The following SERPINA12 variants were observed in gnomAD, a reference collection of about 807,000 sequenced individuals.
SERPINA12 encodes serpin family A member 12.
Under a neutral mutation model 25.9 loss-of-function variants are expected in SERPINA12, and 21 were observed. That is an observed-to-expected ratio of 0.81 (90% confidence interval 0.58 to 1.17). SERPINA12 has a LOEUF of 1.17. Among genes scored for constraint, SERPINA12 ranks in the 50% most tolerant of loss-of-function variants. The pLI, the probability that SERPINA12 is intolerant of heterozygous loss-of-function variation, is 0.00. For synonymous variants in SERPINA12, 220 were observed against 196.0 expected (o/e 1.12, Z -1.02); for missense variants, 562 against 508.3 (o/e 1.11, Z -1.02).
chr14:94,495,659 A>T (rs141123675), intron 3 of SERPINA12, among the ~76,000 whole-genome samples: 1 of 152,126 alleles, frequency 6.6e-6, no homozygotes, highest in African/African-American at 2.4e-5. Flanking sequence ...GACATCTGAC[A>T]CCTGTCCAAG....
At chr14:94,515,004 G>A (rs895224780) in intron 2 of SERPINA12, among the ~76,000 whole-genome samples, 2 of 152,192 alleles carry the variant, frequency 1.3e-5, no homozygotes, top group African/African-American at 4.8e-5. Context: ...GGCCAGAAAA[G>A]AAGGCCAAAG....
chr14:94,497,923 T>G lies in SERPINA12; in HGVS notation c.475A>C (p.Ser159Arg). The G allele has an allele frequency of 6.2e-7, 1 of 1,614,220 alleles. No individual in the cohort carries two copies. Among genetic ancestry groups the G allele is most frequent in the Non-Finnish European group, 8.5e-7 (1 of 1,180,040 alleles). The part of the protein sequence containing the change: ...KFLEDAKNFY[S>R]AETILTNFQN... The stretch of plus-strand genomic sequence containing the variant: ...AAGTTGGTAAGGATGGTTTCGGCAC[T>G]GTAAAAGTTCTTGGCATCTTCCAAA... Residue 159 changes from serine (S) to arginine (R), a missense_variant, in exon 2 of 5, where the codon AGT (serine) becomes CGT (arginine). Coordinates refer to ENST00000677451, the MANE Select transcript of SERPINA12 (RefSeq NM_001382267.1).
In SERPINA12 at chr14:94,498,284, T is replaced by C. The variant is rs2139853653; in HGVS notation, c.114A>G (p.Gly38=). The C allele has an allele frequency of 1.9e-6, 3 of 1,614,212 alleles. No individual in the cohort carries two copies. Among genetic ancestry groups the C allele is most frequent in the Non-Finnish European group, 2.5e-6 (3 of 1,180,042 alleles). ...RNYKALSEVQ[G]WKQRMAAKEL... is the part of the protein sequence containing the mutation. ...CCTTGGCTGCCATCCTTTGCTTCCA[T>C]CCTTGGACCTCGCTCAAAGCTTTAT... Residue 38 remains glycine, a synonymous_variant, in exon 2 of 5, where the codon GGA becomes GGG. Transcript: ENST00000677451.
At chr14:94,495,903 T>A (rs1900396896) in intron 3 of SERPINA12, among the ~76,000 whole-genome samples, 1 of 152,220 alleles carries the variant, frequency 6.6e-6, no homozygotes, top group South Asian at 2.1e-4. Flanking sequence ...AAGAAAAATA[T>A]TTACTCTCTT....
chr14:94,513,677 C>G (rs143294804), upstream of SERPINA12, among the ~76,000 whole-genome samples: 535 of 152,306 alleles, frequency 3.5e-3, 3 homozygotes, highest in African/African-American at 0.012. Flanking sequence ...CAGGGGTCCC[C>G]AAGGGCTGGA....
chr14:94,492,431 C>T (rs1470788179), intron 3 of SERPINA12, among the ~76,000 whole-genome samples: 4 of 152,182 alleles, frequency 2.6e-5, no homozygotes, highest in Non-Finnish European at 5.9e-5. Flanking sequence ...TACAGGCCTG[C>T]CTGCACAGAA....
intron 1 of SERPINA12, chr14:94,501,175 G>T (rs897390978): frequency 1.0e-6 from 1 of 985,178 alleles, no homozygotes; most frequent in African/African-American, 1.7e-5. Flanking sequence ...TTAGGGGGCT[G>T]CACTGTTTAC....
At position 94,495,434 on chromosome 14, in the gene SERPINA12, A is replaced by C. The variant is rs568987252; in HGVS notation, c.905+939T>G. 6.6e-4 allele frequency among the ~76,000 whole-genome samples: 101 copies of C among 152,268 alleles called. 1 individual carries two copies. The highest frequency in any genetic ancestry group is 5.6e-4 in the Non-Finnish European group (38 of 68,008). ...AGAGATGCATTCTGGAATGCCTCCA[A>C]GACAGTGTTCTGCATGAAAAGAGTT... On this transcript the variant is annotated intron_variant, in intron 3 of 4. Coordinates refer to ENST00000677451, the MANE Select transcript of SERPINA12 (RefSeq NM_001382267.1).
upstream of SERPINA12, chr14:94,511,379 A>G (rs1901105729): frequency 1.0e-6 from 1 of 982,670 alleles, no homozygotes; most frequent in African/African-American, 1.7e-5. Context: ...CGGTTATTTA[A>G]TGGATGTGCA....
intron 1 of SERPINA12, among the ~76,000 whole-genome samples, chr14:94,502,028 G>A (rs907937078): frequency 6.7e-6 from 1 of 148,780 alleles, no homozygotes; most frequent in Non-Finnish European, 1.5e-5. Flanking sequence ...TTTGGAATGT[G>A]TGTGTGTGTG....
In SERPINA12 at chr14:94,498,383, T is replaced by C. The variant is rs1900563759; in HGVS notation, c.15A>G (p.Leu5=). 5 of 1,613,086 alleles carry C rather than the reference T, an allele frequency of 3.1e-6. No homozygotes were observed. The East Asian group carries it at 1.1e-4, about 36-fold the overall frequency. The change falls in exon 2 of 5, where the codon CTA becomes CTG. Residue 5 remains leucine (L), a synonymous_variant. Coordinates refer to ENST00000677451, the MANE Select transcript of SERPINA12 (RefSeq NM_001382267.1). Reference sequence around the variant, plus strand: ...GAACAGCCAGAAAAATGGCCAGGCCTAGTGTGGGGTTCATTTTCCTTGAAG... The same window carrying C: ...GAACAGCCAGAAAAATGGCCAGGCCCAGTGTGGGGTTCATTTTCCTTGAAG... MNPT[L]GLAIFLAVLL... is the part of the protein sequence containing the mutation.
rs1445117727 is a variant in SERPINA12, at chr14:94,489,622, C to T, written c.1051G>A (p.Glu351Lys). 14 of 1,613,748 alleles carry T rather than the reference C, an allele frequency of 8.7e-6. No individual in the cohort carries two copies. Among genetic ancestry groups the T allele is most frequent in the African/African-American group, 1.3e-5 (1 of 74,922 alleles). The change falls in exon 4 of 5, where the codon GAG (glutamate) becomes AAG (lysine). Residue 351 changes from glutamate to lysine, a missense_variant and splice_region_variant. By Grantham distance (56) the Glu-to-Lys change is moderately conservative. Transcript: ENST00000677451. ...IAPHRSLKVG[E>K]AVHKAELKMD... ...GAGTCCAGGCTAGGCAGGCTTACCT[C>T]GCCCACTTTCAGGCTGCGATGAGGG...
chr14:94,492,248 G>A (rs529288776), intron 3 of SERPINA12, among the ~76,000 whole-genome samples: 4 of 152,328 alleles, frequency 2.6e-5, no homozygotes, highest in Non-Finnish European at 5.9e-5. Context: ...GTGGATTTAG[G>A]AGAGGATGAG....
At chr14:94,515,612 C>G (rs1901213490) in intron 2 of SERPINA12, among the ~76,000 whole-genome samples, 1 of 152,164 alleles carries the variant, frequency 6.6e-6, no homozygotes, top group South Asian at 2.1e-4. Context: ...CAGCCAGGTT[C>G]TGTGCTCAAG....
At chr14:94,490,117 G>A (rs1016275094) in intron 3 of SERPINA12, among the ~76,000 whole-genome samples, 18 of 152,146 alleles carry the variant, frequency 1.2e-4, no homozygotes, top group African/African-American at 4.3e-4. Flanking sequence ...CCTGACCCCA[G>A]AAGACCTGAC....
exon 1 of SERPINA12, chr14:94,517,620 C>T (rs1413604500): frequency 6.6e-6 from 1 of 152,188 alleles, no homozygotes; most frequent in East Asian, 1.9e-4. Context: ...GTACTGGAAG[C>T]TTTTGCTCTT....
At chr14:94,500,444 T>A (rs773744836) in intron 1 of SERPINA12, among the ~76,000 whole-genome samples, 41 of 152,284 alleles carry the variant, frequency 2.7e-4, no homozygotes, top group Non-Finnish European at 5.0e-4. Context: ...GAGGGCCTGA[T>A]TGGTGCAGGG....
Position 94,496,560 on chromosome 14 carries a change from T to G in SERPINA12, c.718A>C (p.Met240Leu). ...LEKNSSVKVPMMFRSGIYQVG... is the reference protein window; with the variant it reads ...LEKNSSVKVPLMFRSGIYQVG... ...TGGTATATGCCACTACGGAACATCA[T>G]GGGCACCTTGACTGAACTGTTTTTC... The change falls in exon 3 of 5, where the codon ATG becomes CTG. Residue 240 changes from methionine to leucine, a missense_variant. Transcript: ENST00000677451. 1 of 1,614,114 alleles carries G rather than the reference T, an allele frequency of 6.2e-7. No homozygotes were observed. The highest frequency in any genetic ancestry group is 2.2e-5 in the East Asian group (1 of 44,888).
intron 1 of SERPINA12, among the ~76,000 whole-genome samples, chr14:94,498,932 C>G (rs1900591523): frequency 6.6e-6 from 1 of 152,110 alleles, no homozygotes; most frequent in Non-Finnish European, 1.5e-5. Flanking sequence ...CCATGGTTTC[C>G]ACATGTAGAA....
Sources: gnomAD v4.1 joint callset for allele counts (sites outside exome capture counted in the v4.1 genomes callset) on GRCh38, gnomAD v4.1.1 for gene constraint, MANE v1.5 for transcripts, NCBI Gene and HGNC (gene_info 2026-07-23, HGNC 2026-07-21) for gene names.